The following ADGRA3 variants were observed in gnomAD, a reference collection of about 807,000 sequenced individuals.
ADGRA3 encodes the protein adhesion G protein-coupled receptor A3.
A neutral mutation model predicts 119.8 loss-of-function variants in ADGRA3; 56 were observed. The observed-to-expected ratio is 0.47, with a 90% CI of 0.38 to 0.58. The LOEUF (loss-of-function observed/expected upper bound fraction) is 0.58. ADGRA3 is among the 20% of genes least tolerant of loss of function. The pLI is 0.00. For missense variants in ADGRA3, 1,516 were observed against 1,649.0 expected, an observed-to-expected ratio of 0.92 and a Z score of 1.40; for synonymous variants, 607 against 623.8, an observed-to-expected ratio of 0.97 and a Z score of 0.40.
chr4:22,506,169 A>C (rs2109179688), intron 1 of ADGRA3, among the ~76,000 whole-genome samples: 1 of 152,182 alleles, frequency 6.6e-6, no homozygotes, highest in East Asian at 1.9e-4. Flanking sequence ...GTGCTGGAGT[A>C]TTTTTCTATC....
At chr4:22,513,845 C>CAAAAAAAAAAAAAAAAAAAAAAAAAAA (rs59015584) in intron 1 of ADGRA3, among the ~76,000 whole-genome samples, 2 of 31,480 alleles carry the variant, frequency 6.4e-5, no homozygotes, top group African/African-American at 2.0e-4. Flanking sequence ...AGCTTTCAGG[C>CAAAAAAAAAAAAAAAAAAAAAAAAAAA]AAAAAAAAAA....
chr4:22,442,823 A>C lies in ADGRA3; in HGVS notation c.747T>G (p.Ser249=). Residue 249 remains serine (S), a synonymous_variant, in exon 7 of 19, where the codon TCT becomes TCG. Coordinates refer to ENST00000334304, the MANE Select transcript of ADGRA3 (RefSeq NM_145290.4). ...CTCCTTCAAACACAACTTGGCGATG[A>C]GATGGAGTCATGTAGAAAGACGGCA... The part of the protein sequence containing the change: ...LELPSFYMTP[S]HRQVVFEGDS... 6.2e-7 allele frequency: 1 copy of C among 1,613,440 alleles called. No individual in the cohort carries two copies. Among genetic ancestry groups the C allele is most frequent in the South Asian group, 1.1e-5 (1 of 91,056 alleles).
chr4:22,448,822 G>T (rs61792023), intron 4 of ADGRA3, among the ~76,000 whole-genome samples: 6 of 152,070 alleles, frequency 3.9e-5, no homozygotes, highest in African/African-American at 1.4e-4. Context: ...AAGTACCTAG[G>T]AACTTAAACA....
chr4:22,426,832 T>C (rs1365594933), intron 10 of ADGRA3, among the ~76,000 whole-genome samples: 1 of 152,168 alleles, frequency 6.6e-6, no homozygotes, highest in Non-Finnish European at 1.5e-5. Context: ...AGTTGGTTCA[T>C]TTTTTTATGA....
intron 7 of ADGRA3, among the ~76,000 whole-genome samples, chr4:22,440,883 G>C (rs13132451): frequency 0.98 from 149,317 of 152,322 alleles, 73,255 homozygotes; most frequent in Non-Finnish European, 1. Context: ...ATATCATTTC[G>C]AACGATTAAT....
chr4:22,399,929 T>A (rs894654756), intron 16 of ADGRA3, among the ~76,000 whole-genome samples: 1 of 152,220 alleles, frequency 6.6e-6, no homozygotes. Context: ...TGACCTATTA[T>A]ATCTTTCCAT....
chr4:22,480,087 A>G (rs969896823), intron 1 of ADGRA3, among the ~76,000 whole-genome samples: 2 of 152,192 alleles, frequency 1.3e-5, no homozygotes, highest in Non-Finnish European at 2.9e-5. Flanking sequence ...TGGCACATGT[A>G]TACCTATGTA....
intron 1 of ADGRA3, among the ~76,000 whole-genome samples, chr4:22,507,981 G>A (rs1719304579): frequency 6.6e-6 from 1 of 152,142 alleles, no homozygotes; most frequent in Non-Finnish European, 1.5e-5. Context: ...ATACGAATTT[G>A]CATCCGTCTT....
intron 1 of ADGRA3, among the ~76,000 whole-genome samples, chr4:22,494,763 A>T (rs975967959): frequency 3.2e-4 from 48 of 152,128 alleles, no homozygotes; most frequent in African/African-American, 1.0e-3. Flanking sequence ...TTTTCAACTT[A>T]AAAGATTATT....
chr4:22,494,021 G>A (rs1263446778), intron 1 of ADGRA3, among the ~76,000 whole-genome samples: 1 of 151,878 alleles, frequency 6.6e-6, no homozygotes, highest in African/African-American at 2.4e-5. Flanking sequence ...TGACCAACAT[G>A]GTGAAACCCC....
intron 3 of ADGRA3, among the ~76,000 whole-genome samples, chr4:22,461,425 C>T (rs1334687645): frequency 6.6e-6 from 1 of 152,216 alleles, no homozygotes; most frequent in African/African-American, 2.4e-5. Flanking sequence ...CTCAGCCTCC[C>T]AGGTAGCTGG....
intron 6 of ADGRA3, 104 bp downstream of exon 6, chr4:22,444,869 C>G: frequency 1.8e-6 from 2 of 1,113,250 alleles, no homozygotes; most frequent in South Asian, 2.8e-5. Context: ...TGGCTGCATA[C>G]TAGTTCTGTC....
intron 2 of ADGRA3, among the ~76,000 whole-genome samples, chr4:22,468,301 G>A (rs1717735934): frequency 6.6e-6 from 1 of 152,192 alleles, no homozygotes; most frequent in Non-Finnish European, 1.5e-5. Flanking sequence ...AGCTGGAAGA[G>A]ATGCTGAATT....
rs111405707 is a variant in ADGRA3, at chr4:22,462,336, C to T, written c.330-528G>A. Among the ~76,000 whole-genome samples the T allele has an allele frequency of 9.0e-3, 1,365 of 152,026 alleles. 21 individuals are homozygous for T. The highest frequency in any genetic ancestry group is 0.031 in the African/African-American group (1,302 of 41,446). ...TTGTTGTTGTTGTTGTCATTTGAGACGGAGTCTTGCTCTGTCACCCAGGCT... is the reference window on the plus strand; with the variant it reads ...TTGTTGTTGTTGTTGTCATTTGAGATGGAGTCTTGCTCTGTCACCCAGGCT... On this transcript the variant is annotated intron_variant, in intron 2 of 18. Coordinates refer to ENST00000334304, the MANE Select transcript of ADGRA3 (RefSeq NM_145290.4).
rs564688028 is a variant in ADGRA3 at position 22,443,506 on chromosome 4, A to G, written c.707-643T>C. On this transcript the variant is annotated intron_variant, in intron 6 of 18. Transcript: ENST00000334304. ...TCTACTTTTAGTAGTACTGTATCCT[A>G]AAGAATAATAGAAAATATGCAAAAA... 3.3e-5 allele frequency among the ~76,000 whole-genome samples: 5 copies of G among 152,314 alleles called. No individual in the cohort carries two copies. In the East Asian group the frequency reaches 9.6e-4, roughly 29 times the overall value.
At chr4:22,475,129 G>A (rs555134546) in intron 1 of ADGRA3, among the ~76,000 whole-genome samples, 6 of 151,972 alleles carry the variant, frequency 3.9e-5, no homozygotes, top group Non-Finnish European at 5.9e-5. Context: ...ACTGGGTTTC[G>A]ACTCCAGCTC....
At chr4:22,449,553 C>T (rs1716955827) in intron 4 of ADGRA3, among the ~76,000 whole-genome samples, 1 of 151,968 alleles carries the variant, frequency 6.6e-6, no homozygotes, top group Non-Finnish European at 1.5e-5. Context: ...AAATGTAGGA[C>T]TTCAAAGAAT....
At chr4:22,426,171 G>T (rs953955448) in intron 10 of ADGRA3, among the ~76,000 whole-genome samples, 3 of 152,144 alleles carry the variant, frequency 2.0e-5, no homozygotes, top group Non-Finnish European at 2.9e-5. Context: ...GGTTGTATTT[G>T]TATGTCTGTG....
rs771023689 is a variant in ADGRA3 at position 22,388,080 on chromosome 4, G to A, written c.3591C>T (p.Ser1197=). The A allele has an allele frequency of 2.2e-5, 36 of 1,613,964 alleles. No homozygotes were observed. The highest frequency in any genetic ancestry group is 1.9e-4 in the African/African-American group (14 of 74,910). ...LREYAYDVPT[S]VEGSVQNGLP... is the part of the protein sequence containing the mutation. ...AGCCGTTCTGCACGCTTCCTTCCAC[G>A]CTCGTTGGGACATCGTAGGCATATT... The change falls in exon 19 of 19, where the codon AGC becomes AGT. Residue 1197 remains serine (S), a synonymous_variant. Coordinates refer to ENST00000334304, the MANE Select transcript of ADGRA3 (RefSeq NM_145290.4).
Sources: gnomAD v4.1 joint callset for allele counts (sites outside exome capture counted in the v4.1 genomes callset) on GRCh38, gnomAD v4.1.1 for gene constraint, MANE v1.5 for transcripts, NCBI Gene and HGNC (gene_info 2026-07-23, HGNC 2026-07-21) for gene names.